The following JAZF1 variants were observed in gnomAD, a reference collection of about 807,000 sequenced individuals.
JAZF1 encodes the protein JAZF zinc finger 1.
Under a neutral mutation model 26.4 loss-of-function variants are expected in JAZF1, and 8 were observed. The observed-to-expected ratio is 0.30, with a 90% CI of 0.18 to 0.55. The LOEUF is 0.55. Ranked by LOEUF, JAZF1 falls within the 20% of genes least tolerant of loss-of-function variation. JAZF1 has a pLI of 0.94. For synonymous variants in JAZF1, 126 were observed against 122.3 expected, an observed-to-expected ratio of 1.03 and a Z score of -0.20; for missense variants, 199 against 322.0, an observed-to-expected ratio of 0.62 and a Z score of 2.92.
intron 3 of JAZF1, among the ~76,000 whole-genome samples, chr7:27,850,917 A>G (rs910015341): frequency 2.6e-5 from 4 of 152,116 alleles, no homozygotes; most frequent in African/African-American, 9.7e-5. Flanking sequence ...ATAGTATTAA[A>G]TAATAATACA....
intron 1 of JAZF1, among the ~76,000 whole-genome samples, chr7:28,086,332 T>C (rs1384275356): frequency 2.6e-5 from 4 of 152,238 alleles, no homozygotes; most frequent in African/African-American, 9.6e-5. Context: ...TTTTACTGTT[T>C]CCGTTTCATT....
intron 1 of JAZF1, among the ~76,000 whole-genome samples, chr7:28,178,349 T>C (rs531816403): frequency 6.6e-6 from 1 of 152,200 alleles, no homozygotes; most frequent in Non-Finnish European, 1.5e-5. Flanking sequence ...TTAATAAATA[T>C]AATTTATACT....
At chr7:28,124,272 A>T (rs989517661) in intron 1 of JAZF1, among the ~76,000 whole-genome samples, 1 of 152,182 alleles carries the variant, frequency 6.6e-6, no homozygotes, top group Non-Finnish European at 1.5e-5. Context: ...TCTGCAAGCC[A>T]CACAAAGAGG....
chr7:27,845,186 G>A (rs1782995661), intron 3 of JAZF1, among the ~76,000 whole-genome samples: 5 of 152,222 alleles, frequency 3.3e-5, no homozygotes, highest in Admixed American at 3.3e-4. Flanking sequence ...ATAAGCAGTT[G>A]GGGCAGGACA....
chr7:28,100,757 C>T (rs1784459926), intron 1 of JAZF1, among the ~76,000 whole-genome samples: 1 of 148,736 alleles, frequency 6.7e-6, no homozygotes, highest in African/African-American at 2.4e-5. Flanking sequence ...TAAAAATGTG[C>T]TGAAATTCTG....
intron 1 of JAZF1, among the ~76,000 whole-genome samples, chr7:28,043,472 TCTC>T (rs796216125): frequency 5.0e-4 from 76 of 152,286 alleles, no homozygotes; most frequent in African/African-American, 1.8e-3. Context: ...ATATTTGTGC[TCTC>T]CTGGCCTAGA....
intron 2 of JAZF1, among the ~76,000 whole-genome samples, chr7:27,966,476 AAC>A (rs1785277413): frequency 6.6e-6 from 1 of 152,148 alleles, no homozygotes; most frequent in South Asian, 2.1e-4. Flanking sequence ...AAGTGAGAAA[AAC>A]ACAATTCAAG....
At chr7:27,936,559 G>A (rs1308096093) in intron 2 of JAZF1, among the ~76,000 whole-genome samples, 1 of 152,186 alleles carries the variant, frequency 6.6e-6, no homozygotes, top group African/African-American at 2.4e-5. Context: ...TCTAAGGTAA[G>A]CTCAGCACAC....
chr7:27,851,450 A>G (rs1235544580), intron 3 of JAZF1, among the ~76,000 whole-genome samples: 1 of 152,094 alleles, frequency 6.6e-6, no homozygotes, highest in East Asian at 1.9e-4. Context: ...GAAGTTTGAA[A>G]CCAGCCTGGG....
intron 2 of JAZF1, among the ~76,000 whole-genome samples, chr7:27,910,146 A>C (rs1385790594): frequency 6.6e-6 from 1 of 152,340 alleles, no homozygotes; most frequent in East Asian, 1.9e-4. Flanking sequence ...AGTCTGTTAT[A>C]ATGTCAAATG....
chr7:28,167,686 A>T (rs777983433), intron 1 of JAZF1, among the ~76,000 whole-genome samples: 7 of 152,196 alleles, frequency 4.6e-5, no homozygotes, highest in Non-Finnish European at 1.0e-4. Flanking sequence ...AGAGTGTTTC[A>T]GTGGTCCTGC....
intron 1 of JAZF1, among the ~76,000 whole-genome samples, chr7:28,024,862 T>C (rs533860026): frequency 1.3e-5 from 2 of 152,338 alleles, no homozygotes; most frequent in African/African-American, 4.8e-5. Flanking sequence ...ATTGGGACAC[T>C]GGGTGCTCTC....
intron 1 of JAZF1, among the ~76,000 whole-genome samples, chr7:28,112,965 G>C (rs1385548539): frequency 6.6e-6 from 1 of 152,182 alleles, no homozygotes; most frequent in Non-Finnish European, 1.5e-5. Flanking sequence ...TCTCCAGGGA[G>C]AAACTGAACC....
intron 2 of JAZF1, among the ~76,000 whole-genome samples, chr7:27,985,536 T>C (rs1185713041): frequency 6.6e-6 from 1 of 152,232 alleles, no homozygotes; most frequent in Non-Finnish European, 1.5e-5. Context: ...AAAGAGGAGC[T>C]GGTACCATTC....
chr7:27,992,489 AT>A (rs1273237744), intron 1 of JAZF1, among the ~76,000 whole-genome samples: 1 of 152,196 alleles, frequency 6.6e-6, no homozygotes, highest in Non-Finnish European at 1.5e-5. Context: ...TAATGAGTTT[AT>A]TATAACTTTT....
At chr7:28,094,216 C>T (rs1294796779) in intron 1 of JAZF1, among the ~76,000 whole-genome samples, 1 of 152,156 alleles carries the variant, frequency 6.6e-6, no homozygotes, top group South Asian at 2.1e-4. Flanking sequence ...ATTTCTTTTT[C>T]GGATCAAGAG....
chr7:28,122,447 C>G (rs1321261535), intron 1 of JAZF1, among the ~76,000 whole-genome samples: 1 of 152,166 alleles, frequency 6.6e-6, no homozygotes, highest in Non-Finnish European at 1.5e-5. Flanking sequence ...ACTGCTGACC[C>G]AGACCACAGG....
intron 3 of JAZF1, among the ~76,000 whole-genome samples, chr7:27,868,277 A>G (rs1783515680): frequency 6.6e-6 from 1 of 152,218 alleles, no homozygotes; most frequent in Non-Finnish European, 1.5e-5. Flanking sequence ...CTCCAGGAGC[A>G]GCGGGGTTAA....
intron 1 of JAZF1, among the ~76,000 whole-genome samples, chr7:28,128,155 G>A (rs1782728285): frequency 6.6e-6 from 1 of 152,194 alleles, no homozygotes; most frequent in Non-Finnish European, 1.5e-5. Context: ...TTACTGAGAC[G>A]TATCTTCTAG....
Sources: gnomAD v4.1 joint callset for allele counts (sites outside exome capture counted in the v4.1 genomes callset) on GRCh38, gnomAD v4.1.1 for gene constraint, MANE v1.5 for transcripts, NCBI Gene and HGNC (gene_info 2026-07-23, HGNC 2026-07-21) for gene names.